SMYD3: variants seen among roughly 807,000 people sequenced by gnomAD.
SMYD3 encodes SET and MYND domain containing 3, also known as histone-lysine N-methyltransferase SMYD3.
A neutral mutation model predicts 57.7 loss-of-function variants in SMYD3; 36 were observed. The observed-to-expected ratio is 0.62, with a 90% CI of 0.48 to 0.82. The LOEUF is 0.82. Ranked by LOEUF, SMYD3 falls within the 40% of genes least tolerant of loss-of-function variation. The probability of loss-of-function intolerance (pLI) is 0.00; values close to 1 mark genes in which losing one functional copy is unlikely to be tolerated. For missense variants in SMYD3, 515 were observed against 538.8 expected (o/e 0.96, Z 0.44); for synonymous variants, 211 against 195.0 (o/e 1.08, Z -0.68).
intron 5 of SMYD3, among the ~76,000 whole-genome samples, chr1:246,182,586 A>G (rs1043357619): frequency 1.3e-5 from 2 of 152,190 alleles, no homozygotes; most frequent in Non-Finnish European, 2.9e-5. Context: ...GTCTACCTGG[A>G]CCTGTTCACC....
intron 5 of SMYD3, among the ~76,000 whole-genome samples, chr1:246,051,869 C>G (rs1426820738): frequency 6.6e-6 from 1 of 152,094 alleles, no homozygotes; most frequent in African/African-American, 2.4e-5. Flanking sequence ...AAATTGGAAG[C>G]AAGAGCCTTC....
At chr1:245,950,775 T>C (rs2057604233) in intron 5 of SMYD3, among the ~76,000 whole-genome samples, 1 of 152,278 alleles carries the variant, frequency 6.6e-6, no homozygotes, top group African/African-American at 2.4e-5. Context: ...CAGTATTTTC[T>C]ATCCATGCTC....
intron 10 of SMYD3, among the ~76,000 whole-genome samples, chr1:245,806,839 G>A (rs2817497): frequency 0.22 from 32,833 of 147,552 alleles, 3,832 homozygotes; most frequent in South Asian, 0.29. Flanking sequence ...GAACCCGGGA[G>A]GCGGAGCTTG....
chr1:246,499,210 A>G (rs754160266), intron 1 of SMYD3, among the ~76,000 whole-genome samples: 2 of 151,858 alleles, frequency 1.3e-5, no homozygotes, highest in African/African-American at 2.4e-5. Context: ...GGACTGAGGC[A>G]GGACAATCGC....
intron 1 of SMYD3, among the ~76,000 whole-genome samples, chr1:246,456,542 G>T (rs1351761754): frequency 6.6e-6 from 1 of 152,118 alleles, no homozygotes; most frequent in Non-Finnish European, 1.5e-5. Context: ...TTTCTCCTCT[G>T]CCCTAACTGA....
intron 1 of SMYD3, among the ~76,000 whole-genome samples, chr1:246,463,279 G>T (rs980918287): frequency 2.0e-5 from 3 of 152,144 alleles, no homozygotes. Flanking sequence ...GAGATACAGG[G>T]ATATATGTAT....
intron 5 of SMYD3, among the ~76,000 whole-genome samples, chr1:246,050,363 G>A (rs532887769): frequency 7.2e-5 from 11 of 152,208 alleles, no homozygotes; most frequent in Non-Finnish European, 1.3e-4. Flanking sequence ...ACAAGACAGA[G>A]AGTAGGGCAT....
intron 2 of SMYD3, among the ~76,000 whole-genome samples, chr1:246,352,180 TGAATAC>T (rs2065842721): frequency 7.6e-6 from 1 of 131,954 alleles, no homozygotes; most frequent in Non-Finnish European, 1.6e-5. Context: ...GAAAGAAATG[TGAATAC>T]CAATAGCACT....
intron 5 of SMYD3, among the ~76,000 whole-genome samples, chr1:246,104,965 C>T (rs1030208850): frequency 6.6e-6 from 1 of 152,128 alleles, no homozygotes; most frequent in Non-Finnish European, 1.5e-5. Context: ...GTCAAGACCC[C>T]AGGCTGAATC....
chr1:245,830,661 TG>T (rs2049781171), intron 10 of SMYD3, among the ~76,000 whole-genome samples: 1 of 152,204 alleles, frequency 6.6e-6, no homozygotes. Context: ...CAACAGATAT[TG>T]CTCAGACTAC....
chr1:245,873,933 G>A (rs1329697455), intron 8 of SMYD3, among the ~76,000 whole-genome samples: 1 of 152,196 alleles, frequency 6.6e-6, no homozygotes, highest in East Asian at 1.9e-4. Flanking sequence ...GCTTGCCCAG[G>A]TGAGAACTAC....
At chr1:245,970,217 T>A (rs2058262236) in intron 5 of SMYD3, among the ~76,000 whole-genome samples, 1 of 152,204 alleles carries the variant, frequency 6.6e-6, no homozygotes. Flanking sequence ...GGGGAAAGAA[T>A]TCCCTATTTA....
chr1:246,169,520 C>T (rs1246467095), intron 5 of SMYD3, among the ~76,000 whole-genome samples: 1 of 151,726 alleles, frequency 6.6e-6, no homozygotes, highest in Non-Finnish European at 1.5e-5. Flanking sequence ...GGGACAAATG[C>T]TCTTGCTTGT....
intron 5 of SMYD3, among the ~76,000 whole-genome samples, chr1:245,950,997 G>A (rs2057616093): frequency 6.6e-6 from 1 of 152,084 alleles, no homozygotes; most frequent in Non-Finnish European, 1.5e-5. Flanking sequence ...GAACACTCCG[G>A]CATATTAGTT....
At chr1:246,127,496 A>G (rs2061526463) in intron 5 of SMYD3, among the ~76,000 whole-genome samples, 3 of 152,108 alleles carry the variant, frequency 2.0e-5, no homozygotes. Flanking sequence ...GTTTTTAAGG[A>G]GCTAATTTCT....
At chr1:246,489,982 G>A (rs913629838) in intron 1 of SMYD3, among the ~76,000 whole-genome samples, 4 of 146,656 alleles carry the variant, frequency 2.7e-5, no homozygotes, top group Admixed American at 7.0e-5. Context: ...TACGACCACC[G>A]CACCTTGCTA....
intron 5 of SMYD3, among the ~76,000 whole-genome samples, chr1:246,241,572 T>C (rs2063611286): frequency 1.3e-5 from 2 of 152,208 alleles, no homozygotes; most frequent in Non-Finnish European, 2.9e-5. Context: ...GTTGTGTCTC[T>C]GCCAGGCTTT....
chr1:246,371,751 T>C (rs984443169), intron 1 of SMYD3, among the ~76,000 whole-genome samples: 1 of 152,204 alleles, frequency 6.6e-6, no homozygotes, highest in Non-Finnish European at 1.5e-5. Context: ...TTCTCTCTCT[T>C]ACTTCCTCCA....
chr1:246,349,860 C>T (rs1171021325), intron 2 of SMYD3, among the ~76,000 whole-genome samples: 1 of 152,028 alleles, frequency 6.6e-6, no homozygotes, highest in African/African-American at 2.4e-5. Context: ...TGAAAGACAA[C>T]AATCAGAACA....
Sources: gnomAD v4.1 joint callset for allele counts (sites outside exome capture counted in the v4.1 genomes callset) on GRCh38, gnomAD v4.1.1 for gene constraint, MANE v1.5 for transcripts, NCBI Gene and HGNC (gene_info 2026-07-23, HGNC 2026-07-21) for gene names.